Variants in VWA3A observed in about 807,000 individuals in gnomAD.
VWA3A encodes von Willebrand factor A domain-containing protein 3A.
A neutral mutation model predicts 160.4 loss-of-function variants in VWA3A; 134 were observed. The ratio of observed to expected loss-of-function variants is 0.84; its 90% CI spans 0.73 to 0.96. The LOEUF is 0.96. Ranked by LOEUF, VWA3A falls within the 40% of genes least tolerant of loss-of-function variation. The pLI is 0.00. For missense variants in VWA3A, 1,310 were observed against 1,447.9 expected, an observed-to-expected ratio of 0.90 and a Z score of 1.55; for synonymous variants, 476 against 543.4, an observed-to-expected ratio of 0.88 and a Z score of 1.72.
intron 21 of VWA3A, 82 bp downstream of exon 21, chr16:22,134,520 G>T: frequency 7.9e-7 from 1 of 1,258,670 alleles, no homozygotes; most frequent in South Asian, 1.5e-5. Flanking sequence ...CAAACTGGGT[G>T]GCTTAAAATA....
At chr16:22,125,718 C>T (rs549319643) in intron 16 of VWA3A, among the ~76,000 whole-genome samples, 7 of 152,184 alleles carry the variant, frequency 4.6e-5, no homozygotes, top group African/African-American at 1.7e-4. Flanking sequence ...CCACCGCGCC[C>T]GGCCTTATAT....
intron 31 of VWA3A, among the ~76,000 whole-genome samples, chr16:22,153,233 T>A (rs2046380759): frequency 6.6e-6 from 1 of 152,094 alleles, no homozygotes; most frequent in Admixed American, 6.6e-5. Flanking sequence ...GTAATCCCAG[T>A]TACTCGGGAG....
chr16:22,115,919 A>G (rs1394070432), intron 9 of VWA3A, among the ~76,000 whole-genome samples: 5 of 28,646 alleles, frequency 1.7e-4, no homozygotes, highest in East Asian at 4.2e-3. Flanking sequence ...GGAAGGAAGG[A>G]AGGAAAGGAA....
In VWA3A at chr16:22,096,963, ATT is replaced by A. The variant is rs397754746; in HGVS notation, c.101+37_101+38del. 73,001 of 1,048,320 alleles carry A rather than the reference ATT, an allele frequency of 0.07. 432 individuals are homozygous for A. Among genetic ancestry groups the A allele is most frequent in the East Asian group, 0.28 (9,399 of 34,064 alleles). The allele number at this position is 1,048,320 out of a possible 1,614,324, so 64.9% of individuals were successfully genotyped here. A position where few individuals can be genotyped will look rare whatever the true frequency, so the allele number is the denominator to read the frequency against. ...AACCATTGGTAAGCATAGTTCTCTG[ATT>A]TTTTTTTTTTTTTTTTTTGAGGCAG... is the stretch of plus-strand genomic sequence containing the variant. On this transcript the variant is annotated intron_variant, in intron 2 of 33. Coordinates refer to ENST00000389398, the MANE Select transcript of VWA3A (RefSeq NM_173615.5).
At chr16:22,128,623 A>G (rs957312303) in intron 17 of VWA3A, among the ~76,000 whole-genome samples, 2 of 152,194 alleles carry the variant, frequency 1.3e-5, no homozygotes, top group Admixed American at 6.5e-5. Flanking sequence ...ATAAAGACAA[A>G]TGCATGTATA....
chr16:22,130,539 T>A (rs1271576342), intron 17 of VWA3A, among the ~76,000 whole-genome samples: 3 of 152,158 alleles, frequency 2.0e-5, no homozygotes, highest in African/African-American at 7.2e-5. Context: ...GTATAAATCC[T>A]CTTCTCAAAG....
chr16:22,148,441 G>A, intron 28 of VWA3A, 135 bp downstream of exon 28: 2 of 1,263,176 alleles, frequency 1.6e-6, no homozygotes, highest in South Asian at 1.6e-5. Flanking sequence ...GTTTGAGTAG[G>A]AAAGAGCACT....
intron 8 of VWA3A, among the ~76,000 whole-genome samples, chr16:22,111,601 C>G (rs890152130): frequency 6.6e-6 from 1 of 152,160 alleles, no homozygotes; most frequent in Non-Finnish European, 1.5e-5. Flanking sequence ...CATGCCTCAG[C>G]CTCCTGAGTA....
At chr16:22,120,595 T>C (rs2045715120) in intron 12 of VWA3A, among the ~76,000 whole-genome samples, 1 of 152,174 alleles carries the variant, frequency 6.6e-6, no homozygotes, top group Non-Finnish European at 1.5e-5. Context: ...AGCGCCTCAG[T>C]TCTTTACTTT....
At chr16:22,115,262 C>T in intron 8 of VWA3A, 85 bp from the exon 9 acceptor site, 1 of 1,422,570 alleles carries the variant, frequency 7.0e-7, no homozygotes, top group Non-Finnish European at 9.3e-7. Context: ...GGTAACACAG[C>T]AAGCCCTTAT....
intron 23 of VWA3A, chr16:22,141,357 T>C: frequency 1.6e-6 from 1 of 644,974 alleles, no homozygotes; most frequent in Non-Finnish European, 2.8e-6. Context: ...CTTAGCACAA[T>C]GCCAGGGAAA....
chr16:22,142,176 A>T (rs2046162755), intron 24 of VWA3A, among the ~76,000 whole-genome samples: 1 of 152,218 alleles, frequency 6.6e-6, no homozygotes. Flanking sequence ...AGAGAAATTG[A>T]CATGAAAAAG....
rs1377548700 is a variant in VWA3A at position 22,100,348 on chromosome 16, C to G, written c.350+30C>G. ...GTCTGAAGCTGTTCCCCGCACCCCC[C>G]ACAGCTGCAGTGACACATGCAACCC... On this transcript the variant is annotated intron_variant, in intron 4 of 33. Coordinates refer to ENST00000389398, the MANE Select transcript of VWA3A (RefSeq NM_173615.5). 10 of 1,551,534 alleles carry G rather than the reference C, an allele frequency of 6.4e-6. No individual in the cohort carries two copies. The African/African-American group carries it at 1.1e-4, about 17-fold the overall frequency.
In VWA3A at chr16:22,123,112, G is replaced by A. The variant is rs773648274; in HGVS notation, c.1384G>A (p.Asp462Asn). 4.4e-6 allele frequency: 7 copies of A among 1,606,080 alleles called. No homozygotes were observed. In the South Asian group the frequency reaches 5.6e-5, roughly 13 times the overall value. ...GGCAATGATACAATTTGAATGGCAC[G>A]ACGGGACAGTGAAGAACATTCATGT... is the stretch of plus-strand genomic sequence containing the variant. ...EKAMIQFEWHDGTVKNIHVDP... is the reference protein window; with the variant it reads ...EKAMIQFEWHNGTVKNIHVDP... The change falls in exon 15 of 34, where the codon GAC becomes AAC. Residue 462 changes from aspartate to asparagine, a missense_variant. By Grantham distance (23) the Asp-to-Asn change is conservative (BLOSUM62 1). Coordinates refer to ENST00000389398, the MANE Select transcript of VWA3A (RefSeq NM_173615.5).
chr16:22,114,793 T>G (rs2045606428), intron 8 of VWA3A, among the ~76,000 whole-genome samples: 1 of 149,342 alleles, frequency 6.7e-6, no homozygotes, highest in African/African-American at 2.5e-5. Context: ...GAGACCCCTA[T>G]CTCTCTATTT....
chr16:22,115,598 G>A (rs966732846), intron 9 of VWA3A, 126 bp downstream of exon 9: 16 of 1,076,132 alleles, frequency 1.5e-5, no homozygotes, highest in African/African-American at 8.1e-5. Context: ...TTGGGAGGCC[G>A]AGACAGGAGG....
chr16:22,106,578 A>T (rs2045485207), intron 6 of VWA3A, among the ~76,000 whole-genome samples: 1 of 152,132 alleles, frequency 6.6e-6, no homozygotes, highest in African/African-American at 2.4e-5. Flanking sequence ...CAGAAGCAGC[A>T]CATGGGCCAG....
Position 22,116,855 on chromosome 16 carries a change from T to A in VWA3A, c.912T>A (p.Asp304Glu), listed in dbSNP as rs1567203759. The A allele has an allele frequency of 1.9e-6, 3 of 1,612,748 alleles. No homozygotes were observed. Among genetic ancestry groups the A allele is most frequent in the Non-Finnish European group, 2.5e-6 (3 of 1,179,590 alleles). ...IIHFITYRCD[D>E]QMPPAVLKNL... ...ACTTCATCACCTACAGATGCGATGA[T>A]CAGATGCCCCCTGTGAGTGCCCGAG... The change falls in exon 10 of 34, where the codon GAT becomes GAA. Residue 304 changes from aspartate to glutamate, a missense_variant. By Grantham distance (45) the Asp-to-Glu change is conservative (BLOSUM62 2). Transcript: ENST00000389398.
rs536896186 is a variant in VWA3A at position 22,126,027 on chromosome 16, C to T, written c.1533-151C>T. The T allele has an allele frequency of 5.2e-5, 54 of 1,029,350 alleles. No homozygotes were observed. The Admixed American group carries it at 1.0e-3, about 19-fold the overall frequency. 63.8% of individuals were successfully genotyped at this position (1,029,350 alleles called of 1,614,324 possible). On this transcript the variant is annotated intron_variant, in intron 16 of 33. Transcript: ENST00000389398. ...TAATCTACCATTGTAAGCCCACATCCGTTGGCCTCAAACCACAGAGAAGAT... is the reference window on the plus strand; with the variant it reads ...TAATCTACCATTGTAAGCCCACATCTGTTGGCCTCAAACCACAGAGAAGAT...
Sources: allele counts gnomAD v4.1 joint callset (sites outside exome capture counted in the v4.1 genomes callset), GRCh38; gene constraint gnomAD v4.1.1; transcripts MANE v1.5; gene names NCBI Gene and HGNC (gene_info 2026-07-23, HGNC 2026-07-21).